The following ACSM4 variants were observed in gnomAD, a reference collection of about 807,000 sequenced individuals.
The protein encoded by ACSM4 is acyl-CoA synthetase medium chain family member 4.
A neutral mutation model predicts 73.0 loss-of-function variants in ACSM4; 66 were observed. The observed-to-expected ratio is 0.90, with a 90% CI of 0.74 to 1.11. The LOEUF is 1.11. Among genes scored for constraint, ACSM4 ranks in the 50% least tolerant of loss-of-function variants. ACSM4 has a pLI of 0.00. For synonymous variants in ACSM4, 222 were observed against 254.0 expected (o/e 0.87, Z 1.20); for missense variants, 645 against 714.4 (o/e 0.90, Z 1.11).
chr12:7,328,554 C>T lies in ACSM4; in HGVS notation c.*181C>T, dbSNP rs11051244. The T allele has an allele frequency of 0.091, 33,565 of 370,634 alleles. 1,804 individuals carry two copies. The highest frequency in any genetic ancestry group is 0.17 in the East Asian group (3,188 of 18,714). The allele number at this position is 370,634 out of a possible 1,614,324, so 23.0% of individuals were successfully genotyped here. A position where few individuals can be genotyped will look rare whatever the true frequency, so the allele number is the denominator to read the frequency against. Reference sequence around the variant, plus strand: ...TAAAAGTAAATAAAAGCCTCAAAAACGTATGGATGAAAATTGTTATAATGA... The same window carrying T: ...TAAAAGTAAATAAAAGCCTCAAAAATGTATGGATGAAAATTGTTATAATGA... On this transcript the variant is annotated 3_prime_UTR_variant, in exon 13 of 13. Coordinates refer to ENST00000399422, the MANE Select transcript of ACSM4 (RefSeq NM_001080454.2).
At chr12:7,308,270 G>C (rs929551390) in intron 2 of ACSM4, among the ~76,000 whole-genome samples, 1 of 152,108 alleles carries the variant, frequency 6.6e-6, no homozygotes, top group African/African-American at 2.4e-5. Flanking sequence ...GATTAAAGGT[G>C]ATTTGTTATA....
intron 2 of ACSM4, among the ~76,000 whole-genome samples, chr12:7,307,255 A>AAAAC (rs942615810): frequency 2.8e-4 from 42 of 152,302 alleles, no homozygotes; most frequent in East Asian, 5.8e-4. Flanking sequence ...CTCTGTCTCA[A>AAAAC]AAACAAACAA....
rs367951140 is a variant in ACSM4 at position 7,317,167 on chromosome 12, A to G, written c.651A>G (p.Glu217=). The G allele has an allele frequency of 6.8e-6, 11 of 1,612,950 alleles. No homozygotes were observed. The African/African-American group carries it at 1.3e-4, about 20-fold the overall frequency. ...QFASEEHSCV[E]TGSQEPMTIY... Reference sequence around the variant, plus strand: ...CCTCTGAAGAGCACAGCTGTGTGGAAACAGGAAGTCAAGAACCAATGACCA... The same window carrying G: ...CCTCTGAAGAGCACAGCTGTGTGGAGACAGGAAGTCAAGAACCAATGACCA... The change falls in exon 4 of 13, where the codon GAA becomes GAG. Residue 217 remains glutamate, a synonymous_variant. Coordinates refer to ENST00000399422, the MANE Select transcript of ACSM4 (RefSeq NM_001080454.2).
intron 11 of ACSM4, among the ~76,000 whole-genome samples, 178 bp from the exon 12 acceptor site, chr12:7,326,798 C>G (rs530068950): frequency 2.0e-5 from 3 of 152,196 alleles, no homozygotes; most frequent in Non-Finnish European, 4.4e-5. Context: ...TGAAAATATT[C>G]TGAAAAACCT....
At position 7,304,371 on chromosome 12, in the gene ACSM4, T is replaced by C. The variant is rs750084159; in HGVS notation, c.40T>C (p.Trp14Arg). 9 of 1,613,990 alleles carry C rather than the reference T, an allele frequency of 5.6e-6. No homozygotes were observed. The highest frequency in any genetic ancestry group is 5.9e-6 in the Non-Finnish European group (7 of 1,179,856). ...FFRYQTFRFI[W>R]LTKPPGRRLH... ...CCGCTACCAGACATTTAGATTCATC[T>C]GGCTCACCAAGCCACCTGGCCGGCG... Residue 14 changes from tryptophan (W) to arginine (R), a missense_variant, in exon 1 of 13, where the codon TGG (tryptophan) becomes CGG (arginine). Trp to Arg is a moderately radical substitution (Grantham distance 101). Transcript: ENST00000399422.
At chr12:7,306,214 T>C (rs1946361112) in intron 1 of ACSM4, among the ~76,000 whole-genome samples, 1 of 152,214 alleles carries the variant, frequency 6.6e-6, no homozygotes, top group African/African-American at 2.4e-5. Flanking sequence ...GAATAACCCA[T>C]AGACAAGTTT....
At chr12:7,312,352 G>T (rs751283335) in intron 3 of ACSM4, among the ~76,000 whole-genome samples, 24 of 152,248 alleles carry the variant, frequency 1.6e-4, no homozygotes, top group Admixed American at 4.6e-4. Context: ...TAAATTAAAT[G>T]AATATGTGAG....
At chr12:7,309,525 T>C (rs946951739) in intron 2 of ACSM4, among the ~76,000 whole-genome samples, 1 of 152,192 alleles carries the variant, frequency 6.6e-6, no homozygotes, top group Non-Finnish European at 1.5e-5. Flanking sequence ...ATTAAAAGAA[T>C]TGTAGTTTCT....
chr12:7,325,951 C>G (rs1364628300), intron 11 of ACSM4, among the ~76,000 whole-genome samples: 1 of 152,170 alleles, frequency 6.6e-6, no homozygotes, highest in Non-Finnish European at 1.5e-5. Flanking sequence ...TACTCTCCAT[C>G]TATTCCATTC....
chr12:7,326,464 C>T (rs1451873621), intron 11 of ACSM4, among the ~76,000 whole-genome samples: 1 of 152,196 alleles, frequency 6.6e-6, no homozygotes, highest in Non-Finnish European at 1.5e-5. Context: ...TCTACCTTGG[C>T]CTCCCAAAGT....
chr12:7,310,891 T>C (rs1000562306), intron 3 of ACSM4, 145 bp downstream of exon 3: 13 of 893,868 alleles, frequency 1.5e-5, no homozygotes, highest in Admixed American at 2.5e-5. Context: ...AATAGCTGGG[T>C]GCGCTGGCTC....
intron 3 of ACSM4, among the ~76,000 whole-genome samples, chr12:7,315,432 A>G (rs1946415335): frequency 6.6e-6 from 1 of 151,578 alleles, no homozygotes; most frequent in Non-Finnish European, 1.5e-5. Context: ...CCAACATGGT[A>G]GCACCCCATC....
intron 4 of ACSM4, 92 bp from the exon 5 acceptor site, chr12:7,317,934 A>G: frequency 7.2e-7 from 1 of 1,383,638 alleles, no homozygotes; most frequent in South Asian, 1.4e-5. Flanking sequence ...AGCCCTTAAG[A>G]TATAGGGGCA....
intron 5 of ACSM4, chr12:7,318,651 C>T (rs73059704): frequency 0.12 from 18,495 of 152,524 alleles, 1,416 homozygotes; most frequent in Non-Finnish European, 0.17. Flanking sequence ...TCTCAGAACC[C>T]GATACTCTTC....
At chr12:7,322,069 A>G (rs983527387) in intron 6 of ACSM4, among the ~76,000 whole-genome samples, 2 of 152,240 alleles carry the variant, frequency 1.3e-5, no homozygotes, top group Admixed American at 1.3e-4. Context: ...CCCTTACAAC[A>G]TAGCGACTGA....
Position 7,323,244 on chromosome 12 carries a change from G to A in ACSM4, c.1136G>A (p.Cys379Tyr). 1 of 1,608,556 alleles carries A rather than the reference G, an allele frequency of 6.2e-7. No homozygotes were observed. The highest frequency in any genetic ancestry group is 8.5e-7 in the Non-Finnish European group (1 of 1,177,514). Reference sequence around the variant, plus strand: ...TTGTCCTCTCAATAGGGAATGATTTGTGCCAATCAGAAAGGCCAAGAAATT... The same window carrying A: ...TTGTCCTCTCAATAGGGAATGATTTATGCCAATCAGAAAGGCCAAGAAATT... ...GYGQTEVGMI[C>Y]ANQKGQEIKP... is the part of the protein sequence containing the mutation. The change falls in exon 8 of 13, where the codon TGT (cysteine) becomes TAT (tyrosine). Residue 379 changes from cysteine (C) to tyrosine (Y), a missense_variant. Coordinates refer to ENST00000399422, the MANE Select transcript of ACSM4 (RefSeq NM_001080454.2).
intron 3 of ACSM4, among the ~76,000 whole-genome samples, chr12:7,314,516 C>A (rs894717086): frequency 1.3e-5 from 2 of 151,856 alleles, no homozygotes; most frequent in African/African-American, 4.8e-5. Context: ...GATAGATGGA[C>A]AGATGAAAGA....
chr12:7,317,565 A>T (rs1379809276), intron 4 of ACSM4, among the ~76,000 whole-genome samples: 1 of 152,200 alleles, frequency 6.6e-6, no homozygotes, highest in East Asian at 1.9e-4. Flanking sequence ...GCCTTCCTAA[A>T]AGAGAGGCTA....
rs201522459 is a variant in ACSM4, at chr12:7,318,148, G to T, written c.887G>T (p.Arg296Leu). 8 of 1,613,576 alleles carry T rather than the reference G, an allele frequency of 5.0e-6. No individual in the cohort carries two copies. In the South Asian group the frequency reaches 6.6e-5, roughly 13 times the overall value. ...TGTGGAGCCTGTGTTTTTGTGCATC[G>T]AATGGCACAGTTTGACACTGACACC... ...WLCGACVFVHRMAQFDTDTFL... is the reference protein window; with the variant it reads ...WLCGACVFVHLMAQFDTDTFL... The change falls in exon 5 of 13, where the codon CGA becomes CTA. Residue 296 changes from arginine to leucine, a missense_variant. Arg to Leu is a moderately radical substitution (Grantham distance 102). Transcript: ENST00000399422.
Sources: gnomAD v4.1 joint callset for allele counts (sites outside exome capture counted in the v4.1 genomes callset) on GRCh38, gnomAD v4.1.1 for gene constraint, MANE v1.5 for transcripts, NCBI Gene and HGNC (gene_info 2026-07-23, HGNC 2026-07-21) for gene names.